The following IGSF21 variants were observed in gnomAD, a reference collection of about 807,000 sequenced individuals.
IGSF21 encodes the protein immunoglobin superfamily member 21.
IGSF21 carries 28 observed loss-of-function variants against 46.8 expected under a neutral mutation model. The ratio of observed to expected loss-of-function variants is 0.60; its 90% confidence interval spans 0.44 to 0.82. The LOEUF (loss-of-function observed/expected upper bound fraction) is 0.82, where lower values mean the gene tolerates loss of function less well. Among genes scored for constraint, IGSF21 ranks in the 40% least tolerant of loss-of-function variants. The pLI, the probability that IGSF21 is intolerant of heterozygous loss-of-function variation, is 0.00. For synonymous variants in IGSF21, 284 were observed against 273.6 expected (o/e 1.04, Z -0.38); for missense variants, 624 against 665.5 (o/e 0.94, Z 0.69).
At chr1:18,283,721 C>A (rs569110764) in intron 2 of IGSF21, among the ~76,000 whole-genome samples, 2 of 152,164 alleles carry the variant, frequency 1.3e-5, no homozygotes, top group African/African-American at 2.4e-5. Flanking sequence ...CCCTTTCTTG[C>A]CCCCCTGCCC....
At chr1:18,241,803 G>A (rs1410312755) in intron 2 of IGSF21, among the ~76,000 whole-genome samples, 2 of 152,180 alleles carry the variant, frequency 1.3e-5, no homozygotes, top group Non-Finnish European at 2.9e-5. Context: ...CAAGATGCCG[G>A]TACAGTTGTC....
At chr1:18,187,465 G>A (rs909653336) in intron 1 of IGSF21, among the ~76,000 whole-genome samples, 3 of 152,144 alleles carry the variant, frequency 2.0e-5, no homozygotes, top group African/African-American at 2.4e-5. Flanking sequence ...CTTACATGGC[G>A]ACAGCAGCAA....
rs1164891592 is a variant in IGSF21, at chr1:18,109,448, C to G, written c.70+1250C>G. The G allele has an allele frequency of 6.6e-6, 1 of 152,238 alleles. No homozygotes were observed. Among genetic ancestry groups the G allele is most frequent in the Non-Finnish European group, 1.5e-5 (1 of 68,094 alleles). The allele number at this position is 152,238 out of a possible 1,614,324, so 9.4% of individuals were successfully genotyped here. ...TGATAGAGGTGGGCATCACCTCTGT[C>G]CTATGCCATAGCCTTGTCCCAGCAG... On this transcript the variant is annotated intron_variant, in intron 1 of 9. Transcript: ENST00000251296. This position sits in a 1 kb window ranked among gnomAD's most constrained non-coding sequence, Gnocchi z 4.8.
chr1:18,182,127 C>T (rs1479165723), intron 1 of IGSF21, among the ~76,000 whole-genome samples: 1 of 151,096 alleles, frequency 6.6e-6, no homozygotes, highest in African/African-American at 2.4e-5. Context: ...CCTTCCTTTC[C>T]TTCCACCACA....
intron 3 of IGSF21, among the ~76,000 whole-genome samples, chr1:18,331,652 C>T (rs2085714656): frequency 6.6e-6 from 1 of 152,146 alleles, no homozygotes; most frequent in Non-Finnish European, 1.5e-5. Context: ...TAAGGGAGTA[C>T]CATTCATCTC....
At chr1:18,267,436 G>A (rs193140899) in intron 2 of IGSF21, among the ~76,000 whole-genome samples, 223 of 152,224 alleles carry the variant, frequency 1.5e-3, no homozygotes, top group Non-Finnish European at 2.4e-3. Flanking sequence ...TCTCTACCCT[G>A]CCCTGGCCTC....
intron 1 of IGSF21, among the ~76,000 whole-genome samples, chr1:18,181,644 G>A (rs2086859036): frequency 6.6e-6 from 1 of 152,166 alleles, no homozygotes; most frequent in Admixed American, 6.5e-5. Flanking sequence ...TGTCAGCTCT[G>A]TCTTTTTTGA....
At position 18,108,186 on chromosome 1, in the gene IGSF21, G is replaced by C; in HGVS notation, c.58G>C (p.Asp20His). Residue 20 changes from aspartate to histidine, a missense_variant, in exon 1 of 10, where the codon GAC (aspartate) becomes CAC (histidine). By Grantham distance (81) the Asp-to-His change is moderately conservative (BLOSUM62 -1). Coordinates refer to ENST00000251296, the MANE Select transcript of IGSF21 (RefSeq NM_032880.5). ...CTGCCTGCTGCTCGCCGCGATCCTG[G>C]ACCTGGCGCGCGGTGAGTGCGCGGG... is the stretch of plus-strand genomic sequence containing the variant. ...CVCLLLAAIL[D>H]LARGYLTVNI... 1 of 1,439,196 alleles carries C rather than the reference G, an allele frequency of 6.9e-7. No individual in the cohort carries two copies. Among genetic ancestry groups the C allele is most frequent in the South Asian group, 1.4e-5 (1 of 73,458 alleles). 89.2% of individuals were successfully genotyped at this position (1,439,196 alleles called of 1,614,324 possible).
intron 1 of IGSF21, among the ~76,000 whole-genome samples, chr1:18,159,961 G>A (rs753393031): frequency 3.3e-5 from 5 of 152,140 alleles, no homozygotes; most frequent in Non-Finnish European, 5.9e-5. Flanking sequence ...GATTACAGGC[G>A]TGAGCCACCT....
At chr1:18,157,203 C>G (rs11260938) in intron 1 of IGSF21, among the ~76,000 whole-genome samples, 28,426 of 152,206 alleles carry the variant, frequency 0.19, 3,338 homozygotes, top group East Asian at 0.46. Flanking sequence ...CTGTGTTGCT[C>G]AGTCCAGGGC....
At chr1:18,117,515 C>T (rs1342571) in intron 1 of IGSF21, among the ~76,000 whole-genome samples, 54,561 of 152,108 alleles carry the variant, frequency 0.36, 10,079 homozygotes, top group African/African-American at 0.44. Flanking sequence ...TTTCTTCAAC[C>T]GCACTTGTCA....
intron 1 of IGSF21, among the ~76,000 whole-genome samples, chr1:18,159,202 C>T (rs891283538): frequency 6.6e-6 from 1 of 152,216 alleles, no homozygotes; most frequent in South Asian, 2.1e-4. Context: ...GAAAAATGTG[C>T]TCAATGAAAG....
intron 1 of IGSF21, among the ~76,000 whole-genome samples, chr1:18,199,597 G>C (rs4920455): frequency 0.43 from 65,931 of 151,786 alleles, 14,897 homozygotes; most frequent in Middle Eastern, 0.52. Context: ...CTGCATGTGC[G>C]TGATGGGAAG....
At chr1:18,144,424 A>G (rs564409054) in intron 1 of IGSF21, among the ~76,000 whole-genome samples, 144 of 152,200 alleles carry the variant, frequency 9.5e-4, no homozygotes, top group African/African-American at 3.1e-3. Flanking sequence ...TCCCTGCCCA[A>G]GCTGCCTGTG....
chr1:18,201,300 A>C (rs1259978073), intron 1 of IGSF21, among the ~76,000 whole-genome samples: 1 of 152,196 alleles, frequency 6.6e-6, no homozygotes, highest in Non-Finnish European at 1.5e-5. Context: ...TGGCCAGGCT[A>C]AGAAGTGCAG....
intron 1 of IGSF21, among the ~76,000 whole-genome samples, chr1:18,146,162 T>C (rs1435702897): frequency 6.6e-6 from 1 of 152,166 alleles, no homozygotes; most frequent in Admixed American, 6.5e-5. Context: ...AGAGGGAATA[T>C]GTAATCAATG....
chr1:18,152,066 C>G (rs998575898), intron 1 of IGSF21, among the ~76,000 whole-genome samples: 1 of 152,216 alleles, frequency 6.6e-6, no homozygotes, highest in Non-Finnish European at 1.5e-5. Context: ...GGACCTTTCT[C>G]CCTCTGTTGC....
chr1:18,286,855 T>A (rs988539837), intron 2 of IGSF21, among the ~76,000 whole-genome samples: 2 of 152,184 alleles, frequency 1.3e-5, no homozygotes, highest in South Asian at 2.1e-4. Flanking sequence ...TTTGCTAAAT[T>A]CTGGAAACAG....
chr1:18,341,012 C>T (rs902509696), intron 4 of IGSF21, among the ~76,000 whole-genome samples: 20 of 85,090 alleles, frequency 2.4e-4, no homozygotes, highest in African/African-American at 9.1e-4. Context: ...CCTCCTTCTT[C>T]TCTTCTTCTT....
Sources: allele counts gnomAD v4.1 joint callset (sites outside exome capture counted in the v4.1 genomes callset), GRCh38; gene constraint gnomAD v4.1.1; non-coding constraint Gnocchi (gnomAD v3.1); transcripts MANE v1.5; gene names NCBI Gene and HGNC (gene_info 2026-07-23, HGNC 2026-07-21).